The following SIK3 variants were observed in gnomAD, a reference collection of about 807,000 sequenced individuals.
SIK3 encodes serine/threonine-protein kinase SIK3.
Under a neutral mutation model 144.2 loss-of-function variants are expected in SIK3, and 28 were observed. The ratio of observed to expected loss-of-function variants is 0.19; its 90% CI spans 0.14 to 0.27. The LOEUF is 0.27. Ranked by LOEUF, SIK3 falls within the 10% of genes least tolerant of loss-of-function variation. The pLI is 1.00. For synonymous variants in SIK3, 686 were observed against 676.3 expected (o/e 1.01, Z -0.22); for missense variants, 1,319 against 1,776.0 (o/e 0.74, Z 4.62).
chr11:117,034,163 T>C (rs1419158069), intron 1 of SIK3, among the ~76,000 whole-genome samples: 1 of 152,162 alleles, frequency 6.6e-6, no homozygotes, highest in Non-Finnish European at 1.5e-5. Flanking sequence ...TAGCACTGTA[T>C]AAGTTATCAC....
At chr11:116,906,600 C>G (rs994301542) in intron 4 of SIK3, among the ~76,000 whole-genome samples, 3 of 152,086 alleles carry the variant, frequency 2.0e-5, no homozygotes, top group Non-Finnish European at 4.4e-5. Flanking sequence ...GAAAATGTAA[C>G]AAGGAAGCCG....
intron 1 of SIK3, among the ~76,000 whole-genome samples, chr11:117,021,928 CAAAAAAAAAAAAAA>C (rs71037444): frequency 1.8e-3 from 105 of 58,990 alleles, no homozygotes; most frequent in African/African-American, 3.0e-3. Context: ...TCTGTCTCTA[CAAAAAAAAAAAAAA>C]AAAAAAAAAA....
chr11:116,906,477 GA>G (rs1399885710), intron 4 of SIK3, among the ~76,000 whole-genome samples: 1 of 152,166 alleles, frequency 6.6e-6, no homozygotes, highest in Non-Finnish European at 1.5e-5. Context: ...AGGGAAGGAT[GA>G]GAATTAAGGC....
rs763002030 is a variant in SIK3 at position 116,847,620 on chromosome 11, A to G, written c.3820-12T>C. 7.4e-6 allele frequency: 12 copies of G among 1,613,918 alleles called. No individual in the cohort carries two copies. The African/African-American group carries it at 1.5e-4, about 20-fold the overall frequency. Reference sequence around the variant, plus strand: ...TTATCCAGCTGTACCTGCAGAAAACAGTTAAGAGAAGAAATAAGCACACAA... The same window carrying G: ...TTATCCAGCTGTACCTGCAGAAAACGGTTAAGAGAAGAAATAAGCACACAA... On this transcript the variant is annotated splice_polypyrimidine_tract_variant and intron_variant, in intron 22 of 24. Transcript: ENST00000445177.
chr11:117,051,245 C>CA (rs1367762559), intron 1 of SIK3, among the ~76,000 whole-genome samples: 2 of 152,154 alleles, frequency 1.3e-5, no homozygotes, highest in Non-Finnish European at 2.9e-5. Flanking sequence ...TACACCAGCA[C>CA]ACCACCCCTT....
chr11:116,875,244 G>A lies in SIK3; in HGVS notation c.1341C>T (p.Asp447=). The A allele has an allele frequency of 6.2e-7, 1 of 1,614,166 alleles. No homozygotes were observed. Among genetic ancestry groups the A allele is most frequent in the Admixed American group, 1.7e-5 (1 of 60,018 alleles). ...IVEPDGTLNL[D]SDEGEEPSPE... is the part of the protein sequence containing the mutation. Reference sequence around the variant, plus strand: ...GGGAAGGCTCTTCACCCTCATCACTGTCCAAATTCAGTGTCCCATCCGGCT... The same window carrying A: ...GGGAAGGCTCTTCACCCTCATCACTATCCAAATTCAGTGTCCCATCCGGCT... Residue 447 remains aspartate, a synonymous_variant, in exon 11 of 25, where the codon GAC becomes GAT. Transcript: ENST00000445177.
intron 1 of SIK3, among the ~76,000 whole-genome samples, chr11:116,969,728 A>T (rs1485706551): frequency 2.0e-5 from 3 of 152,212 alleles, no homozygotes; most frequent in African/African-American, 7.2e-5. Context: ...TTTCCTTCTG[A>T]ACAAAATCAC....
At chr11:116,954,023 G>T (rs762429347) in intron 3 of SIK3, 21 bp downstream of exon 3, 1 of 1,605,742 alleles carries the variant, frequency 6.2e-7, no homozygotes, top group Non-Finnish European at 8.5e-7. Flanking sequence ...GCTGTTTAAA[G>T]AATGCAATAA....
intron 6 of SIK3, chr11:116,894,007 A>T (rs1446722045): frequency 1.2e-5 from 2 of 167,124 alleles, no homozygotes; most frequent in Non-Finnish European, 2.9e-5. Flanking sequence ...AAAGAAACAA[A>T]ATCATTAACG....
chr11:116,899,416 G>A (rs1945624651), intron 4 of SIK3, among the ~76,000 whole-genome samples: 1 of 152,222 alleles, frequency 6.6e-6, no homozygotes, highest in African/African-American at 2.4e-5. Flanking sequence ...GATGCCTCCA[G>A]CTTTGTTCTT....
intron 1 of SIK3, among the ~76,000 whole-genome samples, chr11:116,974,409 CT>C (rs1381404558): frequency 6.6e-5 from 10 of 152,186 alleles, no homozygotes; most frequent in African/African-American, 2.4e-4. Context: ...CTTTGGAACC[CT>C]TTTTTTCCCC....
In SIK3 at chr11:117,080,029, A is replaced by G. The variant is rs191889445; in HGVS notation, c.273+18114T>C. 3.9e-4 allele frequency among the ~76,000 whole-genome samples: 59 copies of G among 152,146 alleles called. No individual in the cohort carries two copies. The East Asian group carries it at 0.011, about 28-fold the overall frequency. On this transcript the variant is annotated intron_variant, in intron 1 of 24. Transcript: ENST00000445177. Reference sequence around the variant, plus strand: ...AGCCTGGGTGACAGAGTGAGACTCCAACTCAATTTTTTTAAAACATTAATA... The same window carrying G: ...AGCCTGGGTGACAGAGTGAGACTCCGACTCAATTTTTTTAAAACATTAATA...
At chr11:117,047,010 G>A (rs1952998253) in intron 1 of SIK3, among the ~76,000 whole-genome samples, 1 of 152,038 alleles carries the variant, frequency 6.6e-6, no homozygotes, top group Non-Finnish European at 1.5e-5. Flanking sequence ...TATATAAAAT[G>A]CTATGCCATT....
chr11:116,983,013 T>C (rs1950203500), intron 1 of SIK3, among the ~76,000 whole-genome samples: 1 of 149,500 alleles, frequency 6.7e-6, no homozygotes. Context: ...ATCTACTATA[T>C]TACTGAAAAA....
chr11:117,095,192 TAAAA>T (rs3057848), intron 1 of SIK3, among the ~76,000 whole-genome samples: 23,993 of 122,174 alleles, frequency 0.2, 2,499 homozygotes, highest in South Asian at 0.29. Flanking sequence ...CATGTGTGTT[TAAAA>T]AAAAAAAAAA....
At chr11:117,005,426 T>C (rs1951012887) in intron 1 of SIK3, among the ~76,000 whole-genome samples, 1 of 151,932 alleles carries the variant, frequency 6.6e-6, no homozygotes, top group African/African-American at 2.4e-5. Flanking sequence ...GGGAGGTGTT[T>C]TTGCAAATAC....
intron 1 of SIK3, among the ~76,000 whole-genome samples, chr11:117,036,573 A>T (rs1952513893): frequency 6.6e-6 from 1 of 152,256 alleles, no homozygotes; most frequent in Admixed American, 6.5e-5. Context: ...AATAGCTTCT[A>T]TAAAGCAGAA....
At chr11:116,862,372 C>A in intron 16 of SIK3, 45 bp from the exon 17 acceptor site, 2 of 1,612,152 alleles carry the variant, frequency 1.2e-6, no homozygotes, top group Non-Finnish European at 1.7e-6. Flanking sequence ...GCCAGACCCG[C>A]CTCATGCAGT....
In SIK3 at chr11:116,984,173, C is replaced by A. The variant is rs1950249256; in HGVS notation, c.274-27109G>T. Among the ~76,000 whole-genome samples the A allele has an allele frequency of 3.3e-5, 5 of 151,846 alleles. No homozygotes were observed. The South Asian group carries it at 1.0e-3, about 32-fold the overall frequency. On this transcript the variant is annotated intron_variant, in intron 1 of 24. Coordinates refer to ENST00000445177, the MANE Select transcript of SIK3 (RefSeq NM_001366686.3). ...GGATAAGAACTTTTAAATGTTAGAT[C>A]TCCCCACCACACTGAAAGTGATGGC...
Sources: allele counts gnomAD v4.1 joint callset (sites outside exome capture counted in the v4.1 genomes callset), GRCh38; gene constraint gnomAD v4.1.1; transcripts MANE v1.5; gene names NCBI Gene and HGNC (gene_info 2026-07-23, HGNC 2026-07-21).